The following PI4K2A variants were observed in gnomAD, a reference collection of about 807,000 sequenced individuals.
PI4K2A encodes phosphatidylinositol 4-kinase type 2-alpha.
Under a neutral mutation model 55.0 loss-of-function variants are expected in PI4K2A, and 20 were observed. The ratio of observed to expected loss-of-function variants is 0.36; its 90% CI spans 0.26 to 0.53. PI4K2A has a LOEUF of 0.53. PI4K2A is among the 20% of genes least tolerant of loss of function. PI4K2A has a pLI of 0.91. For synonymous variants in PI4K2A, 235 were observed against 258.5 expected (o/e 0.91, Z 0.87); for missense variants, 463 against 637.1 (o/e 0.73, Z 2.94).
At chr10:97,670,196 A>C (rs914018649) in intron 8 of PI4K2A, among the ~76,000 whole-genome samples, 9 of 152,234 alleles carry the variant, frequency 5.9e-5, no homozygotes, top group African/African-American at 2.2e-4. Context: ...CACCACATCC[A>C]GCCCAACATT....
exon 1 of PI4K2A, chr10:97,640,937 C>T: frequency 7.2e-7 from 1 of 1,387,736 alleles, no homozygotes; most frequent in Non-Finnish European, 9.2e-7. Flanking sequence ...TGGATCGGGC[C>T]CGGGGCGCGG....
chr10:97,672,972 T>G (rs1007776084), intron 8 of PI4K2A, among the ~76,000 whole-genome samples: 3 of 151,210 alleles, frequency 2.0e-5, no homozygotes, highest in African/African-American at 7.3e-5. Context: ...TTAAGTGTTT[T>G]TTGTGTTTTT....
chr10:97,663,829 A>G (rs1438287533), intron 5 of PI4K2A, among the ~76,000 whole-genome samples: 3 of 146,170 alleles, frequency 2.1e-5, no homozygotes, highest in Non-Finnish European at 4.5e-5. Flanking sequence ...CAAAAATTAA[A>G]AAAAAAAAAA....
chr10:97,674,112 C>G (rs1312052222), exon 9 of PI4K2A: 1 of 170,482 alleles, frequency 5.9e-6, no homozygotes, highest in African/African-American at 2.4e-5. Flanking sequence ...ACAAAAACAA[C>G]TTTAAATGCT....
intron 1 of PI4K2A, among the ~76,000 whole-genome samples, chr10:97,644,766 T>C (rs2041495953): frequency 6.6e-6 from 1 of 152,234 alleles, no homozygotes; most frequent in South Asian, 2.1e-4. Flanking sequence ...AAAACTTAGC[T>C]GTAGTAGTGG....
Position 97,656,812 on chromosome 10 carries a change from T to C in PI4K2A, c.769-9T>C. On this transcript the variant is annotated splice_polypyrimidine_tract_variant and intron_variant, in intron 3 of 8. Coordinates refer to ENST00000370631, the Ensembl canonical transcript of PI4K2A. The surrounding 1 kb of genome is among the most constrained non-coding windows in gnomAD (Gnocchi z 4.5). ...GGGAAAAACCTTTGTTCCTTCCTCT[T>C]GGTTCCAGGTTGGTTCATTCCAGCT... 1 of 1,613,994 alleles carries C rather than the reference T, an allele frequency of 6.2e-7. No homozygotes were observed. Among genetic ancestry groups the C allele is most frequent in the Non-Finnish European group, 8.5e-7 (1 of 1,179,818 alleles).
At chr10:97,650,828 T>C in intron 1 of PI4K2A, 113 bp from the exon 2 acceptor site, 1 of 752,582 alleles carries the variant, frequency 1.3e-6, no homozygotes, top group Non-Finnish European at 2.2e-6. Context: ...CAACTGTAAG[T>C]AGGAATTGTC....
chr10:97,667,009 T>C lies in PI4K2A; in HGVS notation c.1219-52T>C. 3 of 1,391,998 alleles carry C rather than the reference T, an allele frequency of 2.2e-6. No individual in the cohort carries two copies. In the East Asian group the frequency reaches 6.9e-5, roughly 32 times the overall value. 86.2% of individuals were successfully genotyped at this position (1,391,998 alleles called of 1,614,324 possible). On this transcript the variant is annotated intron_variant, in intron 7 of 8. Transcript: ENST00000370631. ...GTTTCTAACTGGGGGAGAAAATGGG[T>C]TCCTGTGAGGCATTCACACAGGTTC...
chr10:97,669,154 C>T (rs1475450994), intron 8 of PI4K2A, among the ~76,000 whole-genome samples: 3 of 152,202 alleles, frequency 2.0e-5, no homozygotes, highest in Non-Finnish European at 2.9e-5. Context: ...GAGTGAGCCA[C>T]TGAGCCCGGC....
chr10:97,649,771 A>G (rs1248018525), intron 1 of PI4K2A, among the ~76,000 whole-genome samples: 1 of 151,516 alleles, frequency 6.6e-6, no homozygotes, highest in Non-Finnish European at 1.5e-5. Flanking sequence ...TTACAGGTGC[A>G]TGCCACCATG....
chr10:97,641,512 A>G (rs1020440729), intron 1 of PI4K2A, among the ~76,000 whole-genome samples: 4 of 152,118 alleles, frequency 2.6e-5, no homozygotes, highest in African/African-American at 4.8e-5. Flanking sequence ...TGGGACAGCT[A>G]TTCGGCCGCC....
rs1190139891 is a variant in PI4K2A at position 97,656,759 on chromosome 10, C to T, written c.769-62C>T. On this transcript the variant is annotated intron_variant, in intron 3 of 8. Transcript: ENST00000370631. The surrounding 1 kb of genome is among the most constrained non-coding windows in gnomAD (Gnocchi z 4.5). ...GGCCTTAATGGGTATCTGGCATATACTCCAAAGGTCTTTGGATTTGGGCAG... is the reference window on the plus strand; with the variant it reads ...GGCCTTAATGGGTATCTGGCATATATTCCAAAGGTCTTTGGATTTGGGCAG... 5.3e-6 allele frequency: 8 copies of T among 1,510,392 alleles called. No individual in the cohort carries two copies. Among genetic ancestry groups the T allele is most frequent in the Non-Finnish European group, 7.3e-6 (8 of 1,089,114 alleles). 93.6% of individuals were successfully genotyped at this position (1,510,392 alleles called of 1,614,324 possible). A position where few individuals can be genotyped will look rare whatever the true frequency, so the allele number is the denominator to read the frequency against.
At chr10:97,673,734 T>C (rs1589940245) in exon 9 of PI4K2A, 1 of 1,613,988 alleles carries the variant, frequency 6.2e-7, no homozygotes, top group Non-Finnish European at 8.5e-7. Flanking sequence ...CTTCTTTTCA[T>C]GGTGGTAGCT....
chr10:97,646,493 A>G (rs1339743201), intron 1 of PI4K2A, among the ~76,000 whole-genome samples: 1 of 152,220 alleles, frequency 6.6e-6, no homozygotes, highest in East Asian at 1.9e-4. Context: ...CTGGGATTAC[A>G]GGCATGAGCC....
intron 4 of PI4K2A, among the ~76,000 whole-genome samples, chr10:97,660,300 CTT>C (rs368124986): frequency 5.0e-5 from 6 of 118,894 alleles, no homozygotes; most frequent in Non-Finnish European, 3.5e-5. Context: ...CGCGCCCGGC[CTT>C]TTTTTTTTTT....
At chr10:97,642,406 T>C (rs2135750450) in intron 1 of PI4K2A, among the ~76,000 whole-genome samples, 1 of 151,778 alleles carries the variant, frequency 6.6e-6, no homozygotes, top group East Asian at 2.0e-4. Flanking sequence ...TCTTTTTTTT[T>C]TTCTTTTTTT....
At chr10:97,642,463 C>T (rs887713794) in intron 1 of PI4K2A, among the ~76,000 whole-genome samples, 4 of 150,234 alleles carry the variant, frequency 2.7e-5, no homozygotes, top group Non-Finnish European at 4.4e-5. Flanking sequence ...TGCAGTGGCG[C>T]GATCTCAGCT....
At chr10:97,675,948 CGA>C (rs1359028203) in exon 9 of PI4K2A, 4 of 152,616 alleles carry the variant, frequency 2.6e-5, no homozygotes, top group Non-Finnish European at 5.9e-5. Flanking sequence ...GGCTGGGCTG[CGA>C]GAGTGTTGCT....
At chr10:97,668,057 A>G (rs1477557764) in intron 8 of PI4K2A, among the ~76,000 whole-genome samples, 1 of 152,186 alleles carries the variant, frequency 6.6e-6, no homozygotes, top group African/African-American at 2.4e-5. Flanking sequence ...ATAGTAAAGA[A>G]ATGCTTGAAA....
Sources: gnomAD v4.1 joint callset for allele counts (sites outside exome capture counted in the v4.1 genomes callset) on GRCh38, gnomAD v4.1.1 for gene constraint, Gnocchi (gnomAD v3.1) non-coding constraint, MANE v1.5 for transcripts, NCBI Gene and HGNC (gene_info 2026-07-23, HGNC 2026-07-21) for gene names.